The following CEP192 variants were observed in gnomAD, a reference collection of about 807,000 sequenced individuals.
CEP192 encodes centrosomal protein 192, also known as centrosomal protein of 192 kDa.
CEP192 carries 151 observed loss-of-function variants against 271.8 expected under a neutral mutation model. That is an observed-to-expected ratio of 0.56 (90% CI 0.49 to 0.64). The LOEUF is 0.64. Ranked by LOEUF, CEP192 falls within the 30% of genes least tolerant of loss-of-function variation. The pLI is 0.00. For missense variants in CEP192, 2,910 were observed against 3,020.5 expected (o/e 0.96, Z 0.86); for synonymous variants, 995 against 1,076.5 (o/e 0.92, Z 1.48).
Position 13,100,512 on chromosome 18 carries a change from G to A in CEP192, c.6871G>A (p.Glu2291Lys). ...FPTTEPGETSESCLELENHGT... is the reference protein window; with the variant it reads ...FPTTEPGETSKSCLELENHGT... ...TACAACAGAACCTGGTGAAACTTCA[G>A]GTATTGTATCACAAAATTATGTAAT... The change falls in exon 38 of 45, where the codon GAG becomes AAG. Residue 2291 changes from glutamate (E) to lysine (K), a missense_variant and splice_region_variant. Transcript: ENST00000506447. 6.2e-7 allele frequency: 1 copy of A among 1,602,880 alleles called. No individual in the cohort carries two copies. The highest frequency in any genetic ancestry group is 1.1e-5 in the South Asian group (1 of 90,856).
chr18:13,033,161 T>A (rs2035730190), intron 11 of CEP192, among the ~76,000 whole-genome samples: 1 of 152,194 alleles, frequency 6.6e-6, no homozygotes, highest in African/African-American at 2.4e-5. Flanking sequence ...TTTTAAAAAT[T>A]AGCAAACTGA....
chr18:13,009,289 G>A lies in CEP192; in HGVS notation c.466+658G>A, dbSNP rs148207453. Among the ~76,000 whole-genome samples the A allele has an allele frequency of 4.2e-3, 642 of 152,254 alleles. 5 individuals are homozygous for A. Among genetic ancestry groups the A allele is most frequent in the African/African-American group, 0.014 (592 of 41,540 alleles). On this transcript the variant is annotated intron_variant, in intron 4 of 44. Coordinates refer to ENST00000506447, the MANE Select transcript of CEP192 (RefSeq NM_032142.4). Reference sequence around the variant, plus strand: ...TTAACCTTGTTGACTCATTTAAGCTGAAATTCTCTTTGCTTTGGAAACCAT... The same window carrying A: ...TTAACCTTGTTGACTCATTTAAGCTAAAATTCTCTTTGCTTTGGAAACCAT...
intron 11 of CEP192, among the ~76,000 whole-genome samples, chr18:13,034,189 G>T (rs888394348): frequency 6.6e-6 from 1 of 152,170 alleles, no homozygotes; most frequent in African/African-American, 2.4e-5. Context: ...CTTAGGGAAT[G>T]AATACTAGTC....
chr18:13,015,524 T>C (rs2034593220), intron 6 of CEP192, 76 bp downstream of exon 6: 5 of 1,467,266 alleles, frequency 3.4e-6, no homozygotes, highest in Non-Finnish European at 4.6e-6. Context: ...GCAGTAGTTA[T>C]GATGCCAACT....
intron 4 of CEP192, among the ~76,000 whole-genome samples, chr18:13,012,698 C>T (rs1226014906): frequency 1.3e-5 from 2 of 152,138 alleles, no homozygotes; most frequent in Admixed American, 6.6e-5. Context: ...TGTCATTTCT[C>T]TTGTTTCTCT....
intron 30 of CEP192, among the ~76,000 whole-genome samples, chr18:13,075,509 T>C (rs1207115057): frequency 6.6e-6 from 1 of 152,130 alleles, no homozygotes; most frequent in Non-Finnish European, 1.5e-5. Context: ...GAGGTTGCAG[T>C]GAGCCGAGAT....
At chr18:13,058,813 TAAGAC>T (rs2037254289) in intron 20 of CEP192, 2 of 440,162 alleles carry the variant, frequency 4.5e-6, no homozygotes, top group East Asian at 4.6e-5. Context: ...GTGTCCTTTT[TAAGAC>T]AAGTGAGTGT....
intron 7 of CEP192, 130 bp downstream of exon 7, chr18:13,017,466 A>G (rs1053307618): frequency 1.2e-5 from 7 of 594,118 alleles, no homozygotes; most frequent in African/African-American, 9.6e-5. Context: ...TTTCCGAGGT[A>G]TGAATTGATA....
chr18:13,001,025 A>G (rs767694190), intron 2 of CEP192, among the ~76,000 whole-genome samples: 2 of 152,158 alleles, frequency 1.3e-5, no homozygotes, highest in Non-Finnish European at 2.9e-5. Context: ...TACCAGATTG[A>G]TGTTTGGTTA....
At position 13,018,543 on chromosome 18, in the gene CEP192, C is replaced by A; in HGVS notation, c.853C>A (p.Leu285Ile). Residue 285 changes from leucine to isoleucine, a missense_variant, in exon 8 of 45, where the codon CTC (leucine) becomes ATC (isoleucine). Coordinates refer to ENST00000506447, the MANE Select transcript of CEP192 (RefSeq NM_032142.4). The stretch of plus-strand genomic sequence containing the variant: ...AGAAAATAACAGCTCTCTGATTTCC[C>A]TCGACTCACACTCTTCTGAAACAAC... The part of the protein sequence containing the change: ...QSENNSSLIS[L>I]DSHSSETTHK... 6.5e-7 allele frequency: 1 copy of A among 1,541,352 alleles called. No individual in the cohort carries two copies. Among genetic ancestry groups the A allele is most frequent in the Non-Finnish European group, 8.8e-7 (1 of 1,139,718 alleles).
rs2033473422 is a variant in CEP192 at position 12,999,522 on chromosome 18, C to T, written c.98C>T (p.Ser33Phe). 6.4e-7 allele frequency: 1 copy of T among 1,551,046 alleles called. No individual in the cohort carries two copies. The highest frequency in any genetic ancestry group is 2.0e-5 in the Admixed American group (1 of 50,828). ...GGGATTTTGGAAAATGTCACTCTTT[C>T]TTCAAATCTTGGCTTGCCTGTTGCT... ...NSGILENVTL[S>F]SNLGLPVAVS... Residue 33 changes from serine to phenylalanine, a missense_variant, in exon 2 of 45, where the codon TCT (serine) becomes TTT (phenylalanine). Ser to Phe is a radical substitution (Grantham distance 155). Coordinates refer to ENST00000506447, the MANE Select transcript of CEP192 (RefSeq NM_032142.4).
intron 30 of CEP192, among the ~76,000 whole-genome samples, chr18:13,080,771 G>C (rs1167336980): frequency 6.6e-6 from 1 of 152,076 alleles, no homozygotes; most frequent in Admixed American, 6.5e-5. Flanking sequence ...ATTGGCTGTG[G>C]GTTTGTCATA....
chr18:13,036,182 A>T (rs755060546), intron 11 of CEP192, among the ~76,000 whole-genome samples: 2 of 151,902 alleles, frequency 1.3e-5, no homozygotes, highest in East Asian at 3.9e-4. Flanking sequence ...TTTTTTTAAT[A>T]AGAAATGGTC....
At chr18:13,113,448 C>A (rs573162060) in intron 40 of CEP192, 138 bp from the exon 41 acceptor site, 45 of 802,258 alleles carry the variant, frequency 5.6e-5, no homozygotes, top group Non-Finnish European at 8.7e-5. Context: ...CAAATTCTTT[C>A]AATTAATGGC....
intron 2 of CEP192, among the ~76,000 whole-genome samples, chr18:13,000,099 T>C (rs1310302814): frequency 0.043 from 4,593 of 105,976 alleles, 348 homozygotes; most frequent in African/African-American, 0.088. Context: ...CTCTTTTTTT[T>C]TTTTTTTTTT....
intron 40 of CEP192, among the ~76,000 whole-genome samples, chr18:13,110,184 AG>A (rs1259430607): frequency 1.3e-5 from 2 of 152,280 alleles, no homozygotes; most frequent in African/African-American, 4.8e-5. Flanking sequence ...AAACTAATTT[AG>A]AAATAAATCC....
Position 13,069,006 on chromosome 18 carries a change from C to T in CEP192, c.4962+15C>T, listed in dbSNP as rs144669110. On this transcript the variant is annotated intron_variant, in intron 25 of 44. Transcript: ENST00000506447. ...GGGACTTGCAGGTAGCCTCAGTCCT[C>T]CTTTCTGCCGTTACTGCTTTCATTC... The T allele has an allele frequency of 8.9e-5, 144 of 1,614,186 alleles. 1 individual carries two copies. The East Asian group carries it at 3.1e-3, about 35-fold the overall frequency.
At chr18:13,085,449 T>G (rs1453979751) in intron 30 of CEP192, among the ~76,000 whole-genome samples, 1 of 152,246 alleles carries the variant, frequency 6.6e-6, no homozygotes, top group Non-Finnish European at 1.5e-5. Flanking sequence ...CTTTTGGTGT[T>G]TAGTCATGAA....
chr18:13,017,076 C>G, intron 6 of CEP192, 112 bp from the exon 7 acceptor site: 1 of 764,830 alleles, frequency 1.3e-6, no homozygotes, highest in Non-Finnish European at 2.0e-6. Context: ...AAAAAAGACA[C>G]CAAAATCTTA....
Sources: allele counts gnomAD v4.1 joint callset (sites outside exome capture counted in the v4.1 genomes callset), GRCh38; gene constraint gnomAD v4.1.1; transcripts MANE v1.5; gene names NCBI Gene and HGNC (gene_info 2026-07-23, HGNC 2026-07-21).